ROBO1: variants seen among roughly 807,000 people sequenced by gnomAD.
ROBO1 encodes the protein roundabout guidance receptor 1, also known as roundabout homolog 1.
A neutral mutation model predicts 195.9 loss-of-function variants in ROBO1; 149 were observed. The ratio of observed to expected loss-of-function variants is 0.76; its 90% CI spans 0.67 to 0.87. The LOEUF (loss-of-function observed/expected upper bound fraction) is 0.87. ROBO1 is among the 40% of genes least tolerant of loss of function. ROBO1 has a pLI of 0.00. For synonymous variants in ROBO1, 816 were observed against 733.2 expected (o/e 1.11, Z -1.82); for missense variants, 1,933 against 2,068.3 (o/e 0.93, Z 1.27).
intron 7 of ROBO1, 118 bp from the exon 8 acceptor site, chr3:78,714,642 G>C (rs561385124): frequency 1.1e-6 from 1 of 927,238 alleles, no homozygotes; most frequent in Non-Finnish European, 1.5e-6. Context: ...TTAAAACAAA[G>C]AGTAAAACAT....
intron 1 of ROBO1, among the ~76,000 whole-genome samples, chr3:79,704,677 T>C (rs1258746059): frequency 6.6e-6 from 1 of 152,044 alleles, no homozygotes; most frequent in East Asian, 1.9e-4. Flanking sequence ...GAAAATGAAT[T>C]TTTAAGATTT....
chr3:79,176,131 C>T (rs1164189417), intron 2 of ROBO1, among the ~76,000 whole-genome samples: 2 of 152,080 alleles, frequency 1.3e-5, no homozygotes, highest in Non-Finnish European at 2.9e-5. Flanking sequence ...CTGAAGTCTT[C>T]CAGGCTATGG....
chr3:78,799,287 T>A (rs1485696624), intron 4 of ROBO1, among the ~76,000 whole-genome samples: 1 of 151,888 alleles, frequency 6.6e-6, no homozygotes, highest in Non-Finnish European at 1.5e-5. Context: ...TTCAAGCTTA[T>A]GTCCTACTCT....
At chr3:79,234,737 A>T (rs1225180992) in intron 2 of ROBO1, among the ~76,000 whole-genome samples, 1 of 152,098 alleles carries the variant, frequency 6.6e-6, no homozygotes, top group Admixed American at 6.6e-5. Context: ...ACCAAATATA[A>T]TATGATCTCA....
At chr3:79,383,520 A>G (rs562800720) in intron 2 of ROBO1, among the ~76,000 whole-genome samples, 2 of 152,152 alleles carry the variant, frequency 1.3e-5, no homozygotes, top group African/African-American at 2.4e-5. Flanking sequence ...GTATGTTACA[A>G]AAACACTCAC....
rs375691354 is a variant in ROBO1, at chr3:78,962,139, A to T, written c.173-23212T>A. Among the ~76,000 whole-genome samples, 47 of 152,252 alleles carry T rather than the reference A, an allele frequency of 3.1e-4. 1 individual carries two copies. Among genetic ancestry groups the T allele is most frequent in the African/African-American group, 1.0e-3 (43 of 41,552 alleles). ...CAACAAATAATCCCCTCTCACTAGA[A>T]CCAGGATCCTGTTCTAACTCCCATG... On this transcript the variant is annotated intron_variant, in intron 3 of 30. Coordinates refer to ENST00000464233, the MANE Select transcript of ROBO1 (RefSeq NM_002941.4).
intron 2 of ROBO1, among the ~76,000 whole-genome samples, chr3:79,418,187 G>A (rs1009201551): frequency 3.3e-5 from 5 of 152,012 alleles, no homozygotes; most frequent in African/African-American, 4.8e-5. Flanking sequence ...TTTATCTCTG[G>A]TACCTGCACT....
chr3:79,362,024 A>G (rs935540727), intron 2 of ROBO1, among the ~76,000 whole-genome samples: 2 of 152,124 alleles, frequency 1.3e-5, no homozygotes, highest in Admixed American at 1.3e-4. Flanking sequence ...AGTGCCGGAC[A>G]TGAATCTACA....
At chr3:78,672,895 T>C (rs759868909) in intron 10 of ROBO1, among the ~76,000 whole-genome samples, 14 of 152,058 alleles carry the variant, frequency 9.2e-5, no homozygotes, top group Non-Finnish European at 1.9e-4. Context: ...TGCACGGACT[T>C]TGGAGTCAGA....
chr3:78,970,158 T>C (rs2076732081), intron 3 of ROBO1, among the ~76,000 whole-genome samples: 1 of 152,180 alleles, frequency 6.6e-6, no homozygotes. Context: ...TTCAAGAGAA[T>C]ATATTTTTCA....
At chr3:79,305,660 T>C (rs2033185784) in intron 2 of ROBO1, among the ~76,000 whole-genome samples, 1 of 152,056 alleles carries the variant, frequency 6.6e-6, no homozygotes, top group Admixed American at 6.6e-5. Context: ...ATATGTACAA[T>C]TTCATGAAAA....
intron 2 of ROBO1, among the ~76,000 whole-genome samples, chr3:79,489,813 T>C (rs1939360771): frequency 6.6e-6 from 1 of 152,206 alleles, no homozygotes; most frequent in Non-Finnish European, 1.5e-5. Flanking sequence ...CAACATATTT[T>C]CCTCACCCAC....
intron 1 of ROBO1, among the ~76,000 whole-genome samples, chr3:79,673,216 G>T (rs553211053): frequency 1.3e-5 from 2 of 151,964 alleles, no homozygotes; most frequent in African/African-American, 4.8e-5. Context: ...CTGCTAAATG[G>T]CAGATTTAAC....
rs560557610 is a variant in ROBO1 at position 78,916,386 on chromosome 3, T to C, written c.499+22215A>G. On this transcript the variant is annotated intron_variant, in intron 4 of 30. Coordinates refer to ENST00000464233, the MANE Select transcript of ROBO1 (RefSeq NM_002941.4). Reference sequence around the variant, plus strand: ...GGCCAACGTGGTGAAACCCCATCTCTACTAAAAATACAAGAATTAGCCAGG... The same window carrying C: ...GGCCAACGTGGTGAAACCCCATCTCCACTAAAAATACAAGAATTAGCCAGG... Among the ~76,000 whole-genome samples the C allele has an allele frequency of 2.8e-4, 42 of 151,770 alleles. 1 individual carries two copies. The highest frequency in any genetic ancestry group is 2.4e-3 in the Admixed American group (36 of 15,244).
chr3:79,025,511 CTGAA>C (rs749747252), intron 3 of ROBO1, among the ~76,000 whole-genome samples: 4 of 152,068 alleles, frequency 2.6e-5, no homozygotes, highest in African/African-American at 7.2e-5. Context: ...CAGATGTTTG[CTGAA>C]TGAATGAATG....
At chr3:79,665,422 T>A (rs1006838076) in intron 1 of ROBO1, among the ~76,000 whole-genome samples, 3 of 151,912 alleles carry the variant, frequency 2.0e-5, no homozygotes, top group Admixed American at 1.3e-4. Flanking sequence ...ACATATATTT[T>A]CAGCTATTTC....
chr3:79,684,564 T>A (rs75528816), intron 1 of ROBO1, among the ~76,000 whole-genome samples: 1 of 152,204 alleles, frequency 6.6e-6, no homozygotes, highest in African/African-American at 2.4e-5. Flanking sequence ...CAGGGAAAGG[T>A]TATTTTGACT....
At chr3:79,221,127 C>T (rs1427696519) in intron 2 of ROBO1, among the ~76,000 whole-genome samples, 1 of 151,990 alleles carries the variant, frequency 6.6e-6, no homozygotes, top group African/African-American at 2.4e-5. Flanking sequence ...CCAAAAGACA[C>T]CCAATCATAG....
At chr3:78,941,366 C>G (rs10511126) in intron 3 of ROBO1, among the ~76,000 whole-genome samples, 19,297 of 152,218 alleles carry the variant, frequency 0.13, 3,166 homozygotes, top group African/African-American at 0.39. Context: ...TTTTATATTA[C>G]TCATCACAGT....
Sources: allele counts gnomAD v4.1 joint callset (sites outside exome capture counted in the v4.1 genomes callset), GRCh38; gene constraint gnomAD v4.1.1; transcripts MANE v1.5; gene names NCBI Gene and HGNC (gene_info 2026-07-23, HGNC 2026-07-21).